Variants in SCNN1B observed in about 807,000 individuals in gnomAD.
SCNN1B encodes the protein epithelial sodium channel subunit beta.
SCNN1B carries 46 observed loss-of-function variants against 65.3 expected under a neutral mutation model. The observed-to-expected ratio is 0.70, with a 90% confidence interval of 0.56 to 0.90. The LOEUF is 0.90. Among genes scored for constraint, SCNN1B ranks in the 40% least tolerant of loss-of-function variants. The pLI is 0.00. For missense variants in SCNN1B, 751 were observed against 830.5 expected, an observed-to-expected ratio of 0.90 and a Z score of 1.18; for synonymous variants, 349 against 330.6, an observed-to-expected ratio of 1.06 and a Z score of -0.60.
At chr16:23,377,307 C>T in intron 9 of SCNN1B, 22 bp from the exon 10 acceptor site, 3 of 1,614,200 alleles carry the variant, frequency 1.9e-6, no homozygotes, top group Non-Finnish European at 2.5e-6. Context: ...GGGACCACAA[C>T]AGGCCTGGCC....
chr16:23,367,751 C>A, intron 4 of SCNN1B, 105 bp from the exon 5 acceptor site: 1 of 911,508 alleles, frequency 1.1e-6, no homozygotes, highest in Admixed American at 1.7e-5. Flanking sequence ...TCGCCTCTCC[C>A]TTTCGGAGCC....
At chr16:23,366,029 T>C in intron 4 of SCNN1B, among the ~76,000 whole-genome samples, 1 of 152,150 alleles carries the variant, frequency 6.6e-6, no homozygotes, top group East Asian at 1.9e-4. Context: ...TTAAATGAGA[T>C]CACGAATACA....
intron 1 of SCNN1B, among the ~76,000 whole-genome samples, chr16:23,341,527 G>A (rs239349): frequency 0.37 from 55,908 of 151,920 alleles, 10,434 homozygotes; most frequent in Middle Eastern, 0.5. Context: ...ACAACCCACA[G>A]AGAAGGAAAG....
intron 1 of SCNN1B, among the ~76,000 whole-genome samples, chr16:23,336,963 T>C (rs556353274): frequency 5.1e-4 from 77 of 152,272 alleles, no homozygotes; most frequent in Non-Finnish European, 8.5e-4. Flanking sequence ...AAGGAAAGCA[T>C]TGAATTAGCA....
At chr16:23,356,008 C>T (rs1295315679) in intron 4 of SCNN1B, among the ~76,000 whole-genome samples, 1 of 152,188 alleles carries the variant, frequency 6.6e-6, no homozygotes, top group East Asian at 1.9e-4. Context: ...AGTCTAGGCT[C>T]AGCTTGATCT....
At chr16:23,332,831 GGAGGCCGAGGCAGTGGATTAC>G (rs1167343022) in intron 1 of SCNN1B, among the ~76,000 whole-genome samples, 1 of 152,088 alleles carries the variant, frequency 6.6e-6, no homozygotes, top group African/African-American at 2.4e-5. Flanking sequence ...CAGCACTTTG[GGAGGCCGAGGCAGTGGATTAC>G]GAGGTCAGGA....
intron 1 of SCNN1B, among the ~76,000 whole-genome samples, chr16:23,304,292 T>C (rs1258135570): frequency 6.6e-6 from 1 of 151,548 alleles, no homozygotes; most frequent in East Asian, 1.9e-4. Context: ...CATATGCATG[T>C]TCACACACAA....
At chr16:23,305,611 G>T (rs1414048740) in intron 1 of SCNN1B, among the ~76,000 whole-genome samples, 2 of 127,618 alleles carry the variant, frequency 1.6e-5, no homozygotes, top group Non-Finnish European at 3.3e-5. Context: ...CCTGGGTGTG[G>T]TGGCATGTAC....
In SCNN1B at chr16:23,368,108, GC is replaced by G. The variant is rs1567314808; in HGVS notation, c.880+151del. ...GGCTGCTACCGAGGCTCTACTGTGT[GC>G]CAGGGGAGGCCAGGCCAGGCGCTTC... On this transcript the variant is annotated intron_variant, in intron 5 of 12. Transcript: ENST00000343070. 2.7e-5 allele frequency: 20 copies of G among 733,730 alleles called. 1 individual carries two copies. The South Asian group carries it at 2.9e-4, about 11-fold the overall frequency. 45.5% of individuals were successfully genotyped at this position (733,730 alleles called of 1,614,324 possible).
At chr16:23,306,953 C>A (rs993560342) in intron 1 of SCNN1B, among the ~76,000 whole-genome samples, 2 of 152,172 alleles carry the variant, frequency 1.3e-5, no homozygotes, top group Non-Finnish European at 1.5e-5. Context: ...GTAATCATCA[C>A]CCCTGTAGTC....
At chr16:23,339,856 C>A (rs1223458596) in intron 1 of SCNN1B, among the ~76,000 whole-genome samples, 1 of 151,986 alleles carries the variant, frequency 6.6e-6, no homozygotes, top group African/African-American at 2.4e-5. Flanking sequence ...TGTGAGCCAC[C>A]GCGCCTGGCA....
chr16:23,371,921 T>G, intron 7 of SCNN1B, 38 bp downstream of exon 7: 72 of 1,387,572 alleles, frequency 5.2e-5, no homozygotes, highest in Non-Finnish European at 6.7e-5. Flanking sequence ...CCGGGGCCCC[T>G]GTCCGGGTTT....
chr16:23,283,964 C>T (rs1960817368), intron 2 of SCNN1B, among the ~76,000 whole-genome samples: 2 of 152,186 alleles, frequency 1.3e-5, no homozygotes, highest in South Asian at 2.1e-4. Context: ...GGGAAATGTT[C>T]TCTGAATTTG....
chr16:23,349,156 C>T (rs1469705415), intron 2 of SCNN1B, among the ~76,000 whole-genome samples: 4 of 151,526 alleles, frequency 2.6e-5, no homozygotes, highest in African/African-American at 9.7e-5. Context: ...TTTCCATTTG[C>T]CTTCATCCTT....
rs148550057 is a variant in SCNN1B, at chr16:23,327,540, G to GATA, written c.-8-21035_-8-21033dup. ...CAGAGCAAGACTCCATCTCAAAAAT[G>GATA]ATAATAATAATAATAATAACTAACC... On this transcript the variant is annotated intron_variant, in intron 1 of 12. Coordinates refer to ENST00000343070, the MANE Select transcript of SCNN1B (RefSeq NM_000336.3). Among the ~76,000 whole-genome samples the GATA allele has an allele frequency of 2.4e-3, 363 of 151,708 alleles. 5 individuals are homozygous for GATA. The highest frequency in any genetic ancestry group is 4.9e-4 in the Non-Finnish European group (33 of 67,892).
At chr16:23,315,028 A>G (rs1961422825) in intron 1 of SCNN1B, among the ~76,000 whole-genome samples, 1 of 152,184 alleles carries the variant, frequency 6.6e-6, no homozygotes, top group African/African-American at 2.4e-5. Flanking sequence ...CAGGAAACAG[A>G]AGGGGCTAAG....
intron 4 of SCNN1B, among the ~76,000 whole-genome samples, chr16:23,361,607 A>C (rs1233274932): frequency 6.6e-6 from 1 of 152,158 alleles, no homozygotes; most frequent in Non-Finnish European, 1.5e-5. Context: ...CTTGTTATCT[A>C]TTCTCTTGCT....
At chr16:23,342,251 G>A (rs905118954) in intron 1 of SCNN1B, among the ~76,000 whole-genome samples, 7 of 152,230 alleles carry the variant, frequency 4.6e-5, no homozygotes, top group Middle Eastern at 3.4e-3. Context: ...GTGCAATTCC[G>A]TTTTTTGTTT....
intron 1 of SCNN1B, among the ~76,000 whole-genome samples, chr16:23,314,182 G>A (rs1164076234): frequency 6.6e-6 from 1 of 151,866 alleles, no homozygotes; most frequent in Non-Finnish European, 1.5e-5. Context: ...ACTACGGCCA[G>A]CTAACTTTTT....
Sources: gnomAD v4.1 joint callset for allele counts (sites outside exome capture counted in the v4.1 genomes callset) on GRCh38, gnomAD v4.1.1 for gene constraint, MANE v1.5 for transcripts, NCBI Gene and HGNC (gene_info 2026-07-23, HGNC 2026-07-21) for gene names.